The following GALNT18 variants were observed in gnomAD, a reference collection of about 807,000 sequenced individuals.
The protein encoded by GALNT18 is polypeptide N-acetylgalactosaminyltransferase 18.
In GALNT18, 44 loss-of-function variants were observed where a neutral mutation model predicts 69.5. That is an observed-to-expected ratio of 0.63 (90% CI 0.50 to 0.81). The LOEUF (loss-of-function observed/expected upper bound fraction) is 0.81. Among genes scored for constraint, GALNT18 ranks in the 40% least tolerant of loss-of-function variants. GALNT18 has a pLI of 0.00. For synonymous variants in GALNT18, 364 were observed against 318.2 expected, an observed-to-expected ratio of 1.14 and a Z score of -1.53; for missense variants, 715 against 810.0, an observed-to-expected ratio of 0.88 and a Z score of 1.42.
intron 10 of GALNT18, among the ~76,000 whole-genome samples, chr11:11,279,480 C>T (rs1203887462): frequency 2.0e-5 from 3 of 152,070 alleles, no homozygotes; most frequent in Non-Finnish European, 4.4e-5. Context: ...TTCTAGAACA[C>T]GATTTATAAA....
At chr11:11,490,231 TCTAACA>T (rs1392534916) in intron 1 of GALNT18, among the ~76,000 whole-genome samples, 1 of 65,794 alleles carries the variant, frequency 1.5e-5, no homozygotes, top group African/African-American at 6.6e-5. Flanking sequence ...TCTCTCTCTC[TCTAACA>T]CACACACACA....
intron 10 of GALNT18, among the ~76,000 whole-genome samples, chr11:11,289,557 G>A (rs1849260665): frequency 6.6e-6 from 1 of 152,194 alleles, no homozygotes. Flanking sequence ...TTTGCCTCAA[G>A]GATGCCCATT....
At chr11:11,467,213 C>A (rs914435262) in intron 1 of GALNT18, among the ~76,000 whole-genome samples, 1 of 152,190 alleles carries the variant, frequency 6.6e-6, no homozygotes, top group African/African-American at 2.4e-5. Flanking sequence ...TCTCTCCACA[C>A]TGACACGCAG....
At position 11,621,164 on chromosome 11, in the gene GALNT18, G is replaced by A. The variant is rs1031306753; in HGVS notation, c.235+195C>T. Among the ~76,000 whole-genome samples the A allele has an allele frequency of 6.6e-6, 1 of 152,160 alleles. No homozygotes were observed. On this transcript the variant is annotated intron_variant, in intron 1 of 10. Coordinates refer to ENST00000227756, the MANE Select transcript of GALNT18 (RefSeq NM_198516.3). This position sits in a 1 kb window ranked among gnomAD's most constrained non-coding sequence, Gnocchi z 9.3. ...CCCTGCGCACACACGTGTGCCCCGG[G>A]GAAGAGCGCACGGCCGCAGACAGAA...
rs1385208755 is a variant in GALNT18, at chr11:11,402,134, T to C, written c.596-22870A>G. Among the ~76,000 whole-genome samples, 1 of 152,218 alleles carries C rather than the reference T, an allele frequency of 6.6e-6. No homozygotes were observed. Among genetic ancestry groups the C allele is most frequent in the Non-Finnish European group, 1.5e-5 (1 of 68,032 alleles). On this transcript the variant is annotated intron_variant, in intron 3 of 10. Coordinates refer to ENST00000227756, the MANE Select transcript of GALNT18 (RefSeq NM_198516.3). This position sits in a 1 kb window ranked among gnomAD's most constrained non-coding sequence, Gnocchi z 4.0. The stretch of plus-strand genomic sequence containing the variant: ...GATGGCTGGCACAGAATTCTTCACA[T>C]AAAGGCAGAAAGGCTAGAAAGCAAA...
At chr11:11,451,347 T>A (rs1369877216) in intron 1 of GALNT18, among the ~76,000 whole-genome samples, 1 of 152,236 alleles carries the variant, frequency 6.6e-6, no homozygotes, top group Non-Finnish European at 1.5e-5. Flanking sequence ...TGCTCTCGAA[T>A]ACCTAAGTGG....
intron 10 of GALNT18, among the ~76,000 whole-genome samples, chr11:11,284,569 G>A (rs1170912751): frequency 6.6e-6 from 1 of 152,162 alleles, no homozygotes; most frequent in Admixed American, 6.5e-5. Flanking sequence ...GCTCAGGCTG[G>A]TCTTACTTTT....
At chr11:11,326,467 C>T (rs772052649) in intron 9 of GALNT18, among the ~76,000 whole-genome samples, 8 of 152,214 alleles carry the variant, frequency 5.3e-5, no homozygotes, top group South Asian at 4.1e-4. Flanking sequence ...CTTTGTTCAA[C>T]GAACCATTTA....
rs913276121 is a variant in GALNT18 at position 11,377,644 on chromosome 11, C to T, written c.780-265G>A. Among the ~76,000 whole-genome samples, 1 of 150,258 alleles carries T rather than the reference C, an allele frequency of 6.7e-6. No homozygotes were observed. The highest frequency in any genetic ancestry group is 6.7e-5 in the Admixed American group (1 of 14,996). On this transcript the variant is annotated intron_variant, in intron 4 of 10. Coordinates refer to ENST00000227756, the MANE Select transcript of GALNT18 (RefSeq NM_198516.3). The surrounding 1 kb of genome is among the most constrained non-coding windows in gnomAD (Gnocchi z 4.6). ...GATTCTTATTCCAGCCAACCTTGTG[C>T]CTGCTCGCTTTCCCTTTCTCCATTA...
chr11:11,525,776 A>C (rs1180293137), intron 1 of GALNT18, among the ~76,000 whole-genome samples: 3 of 151,734 alleles, frequency 2.0e-5, no homozygotes, highest in Admixed American at 2.0e-4. Flanking sequence ...CTGGGATTAC[A>C]GGCGCCCGCC....
At chr11:11,390,314 G>A (rs541199094) in intron 3 of GALNT18, among the ~76,000 whole-genome samples, 51 of 152,242 alleles carry the variant, frequency 3.3e-4, no homozygotes, top group African/African-American at 1.2e-3. Flanking sequence ...CATTCTTCTC[G>A]CCTCCCCTGT....
At chr11:11,327,008 G>A in intron 9 of GALNT18, 78 bp downstream of exon 9, 4 of 1,080,612 alleles carry the variant, frequency 3.7e-6, no homozygotes, top group Non-Finnish European at 2.9e-6. Context: ...CCTTCCCCAT[G>A]ACAGAGCCTA....
intron 3 of GALNT18, among the ~76,000 whole-genome samples, chr11:11,406,327 G>A (rs1436850747): frequency 6.6e-6 from 1 of 152,202 alleles, no homozygotes; most frequent in African/African-American, 2.4e-5. Context: ...AGAGTCTGTT[G>A]TAATGACTCA....
At chr11:11,458,176 C>T (rs1221266340) in intron 1 of GALNT18, among the ~76,000 whole-genome samples, 2 of 152,186 alleles carry the variant, frequency 1.3e-5, no homozygotes, top group African/African-American at 2.4e-5. Context: ...ACTTTCTTCA[C>T]TTGTGAGATG....
chr11:11,586,989 C>CAAAT lies in GALNT18; in HGVS notation c.235+34366_235+34369dup, dbSNP rs372579300. On this transcript the variant is annotated intron_variant, in intron 1 of 10. Coordinates refer to ENST00000227756, the MANE Select transcript of GALNT18 (RefSeq NM_198516.3). This position sits in a 1 kb window ranked among gnomAD's most constrained non-coding sequence, Gnocchi z 4.1. ...GGGAACAAGAGTGAAACCCCATCTC[C>CAAAT]AAATAAATAAATAAATAAATAAATA... Among the ~76,000 whole-genome samples the CAAAT allele has an allele frequency of 0.019, 2,894 of 151,648 alleles. 35 individuals carry two copies. The highest frequency in any genetic ancestry group is 0.026 in the African/African-American group (1,089 of 41,176).
At chr11:11,381,529 C>T (rs952634032) in intron 3 of GALNT18, among the ~76,000 whole-genome samples, 1 of 152,186 alleles carries the variant, frequency 6.6e-6, no homozygotes, top group Non-Finnish European at 1.5e-5. Flanking sequence ...ATGAATTTCA[C>T]CTCTCTGAAT....
intron 1 of GALNT18, among the ~76,000 whole-genome samples, chr11:11,553,302 C>T (rs191032501): frequency 1.3e-5 from 2 of 152,188 alleles, no homozygotes; most frequent in African/African-American, 4.8e-5. Context: ...TAAACCTTCC[C>T]ACCTGCTGCA....
At chr11:11,474,330 G>T (rs7396435) in intron 1 of GALNT18, among the ~76,000 whole-genome samples, 84,474 of 152,026 alleles carry the variant, frequency 0.56, 25,130 homozygotes, top group East Asian at 0.72. Context: ...GGGGCTCAAA[G>T]AACCAAAATG....
rs563869026 is a variant in GALNT18 at position 11,403,522 on chromosome 11, C to A, written c.596-24258G>T. Among the ~76,000 whole-genome samples, 109 of 152,332 alleles carry A rather than the reference C, an allele frequency of 7.2e-4. 1 individual carries two copies. Among genetic ancestry groups the A allele is most frequent in the African/African-American group, 2.6e-3 (107 of 41,594 alleles). ...TGAATACTGTACTTCTAGATCCTTT[C>A]ACCATCCTCATGTGTCATTCTTTGT... On this transcript the variant is annotated intron_variant, in intron 3 of 10. Coordinates refer to ENST00000227756, the MANE Select transcript of GALNT18 (RefSeq NM_198516.3).
Sources: allele counts gnomAD v4.1 joint callset (sites outside exome capture counted in the v4.1 genomes callset), GRCh38; gene constraint gnomAD v4.1.1; non-coding constraint Gnocchi (gnomAD v3.1); transcripts MANE v1.5; gene names NCBI Gene and HGNC (gene_info 2026-07-23, HGNC 2026-07-21).